The following MCM9 variants were observed in gnomAD, a reference collection of about 807,000 sequenced individuals.
The protein encoded by MCM9 is minichromosome maintenance 9 homologous recombination repair factor, also known as DNA helicase MCM9.
MCM9 carries 55 observed loss-of-function variants against 72.8 expected under a neutral mutation model. The observed-to-expected ratio is 0.76, with a 90% confidence interval of 0.61 to 0.95. The LOEUF is 0.95. MCM9 is among the 40% of genes least tolerant of loss of function. The probability of loss-of-function intolerance (pLI) is 0.00; values close to 1 mark genes in which losing one functional copy is unlikely to be tolerated. For missense variants in MCM9, 1,279 were observed against 1,377.0 expected, an observed-to-expected ratio of 0.93 and a Z score of 1.13; for synonymous variants, 480 against 503.4, an observed-to-expected ratio of 0.95 and a Z score of 0.62.
At chr6:118,841,939 A>G (rs1775401094) in intron 9 of MCM9, among the ~76,000 whole-genome samples, 1 of 150,688 alleles carries the variant, frequency 6.6e-6, no homozygotes, top group South Asian at 2.1e-4. Flanking sequence ...GGTTCAAGCG[A>G]TTCTCCTGCC....
In MCM9 at chr6:118,816,112, T is replaced by C. The variant is rs185696063; in HGVS notation, c.2144A>G (p.Asp715Gly). ...ATTAGGCTCCAGATGCGGTGGGGGA[T>C]CTAGAACTGGGCTTCCCTCGGGGCT... ...GGSPEGSPVLDPPPHLEPNRS... is the reference protein window; with the variant it reads ...GGSPEGSPVLGPPPHLEPNRS... The change falls in exon 14 of 14, where the codon GAT becomes GGT. Residue 715 changes from aspartate (D) to glycine (G), a missense_variant. Asp to Gly is a moderately conservative substitution (Grantham distance 94). Coordinates refer to ENST00000619706, the MANE Select transcript of MCM9 (RefSeq NM_017696.3). 2 of 1,550,422 alleles carry C rather than the reference T, an allele frequency of 1.3e-6. No individual in the cohort carries two copies. Among genetic ancestry groups the C allele is most frequent in the Admixed American group, 2.0e-5 (1 of 50,988 alleles).
chr6:118,918,970 G>C (rs1263339152), intron 5 of MCM9: 1 of 152,170 alleles, frequency 6.6e-6, no homozygotes, highest in Non-Finnish European at 1.5e-5. Flanking sequence ...CATTAAGTAA[G>C]TGCTTTACAA....
Position 118,931,738 on chromosome 6 carries a change from ACT to A in MCM9, c.-15-2_-15-1del, listed in dbSNP as rs1333216451. ...TCGCTATTCATCTTGAATCTAGGTA[ACT>A]AAAGAAAAAAAAAAGGATCATATTA... On this transcript the variant is annotated splice_acceptor_variant, in intron 2 of 13. Coordinates refer to ENST00000619706, the MANE Select transcript of MCM9 (RefSeq NM_017696.3). LOFTEE classifies it low-confidence loss of function (5UTR_SPLICE). 3.2e-6 allele frequency: 5 copies of A among 1,572,864 alleles called. No homozygotes were observed. Among genetic ancestry groups the A allele is most frequent in the Admixed American group, 3.8e-5 (2 of 53,166 alleles).
chr6:118,890,954 T>A (rs893185009), intron 8 of MCM9, among the ~76,000 whole-genome samples: 2 of 152,202 alleles, frequency 1.3e-5, no homozygotes, highest in South Asian at 2.1e-4. Context: ...TCCATTCCTA[T>A]GATAACTTTT....
chr6:118,856,652 G>GA (rs1321565364), intron 8 of MCM9, 107 bp from the exon 9 acceptor site: 31 of 1,219,222 alleles, frequency 2.5e-5, no homozygotes, highest in Non-Finnish European at 3.3e-5. Flanking sequence ...GCTGAGGTGA[G>GA]AAGATTTCTT....
Position 118,903,925 on chromosome 6 carries a change from G to A in MCM9, c.1150+7725C>T, listed in dbSNP as rs1322517068. 2.0e-5 allele frequency among the ~76,000 whole-genome samples: 3 copies of A among 152,156 alleles called. No homozygotes were observed. The East Asian group carries it at 5.8e-4, about 29-fold the overall frequency. The stretch of plus-strand genomic sequence containing the variant: ...TCACCACGTTTTAAAGAACCTGTGT[G>A]ATTCATATCTCTAGAACAATGGTGG... On this transcript the variant is annotated intron_variant, in intron 8 of 13. Transcript: ENST00000619706.
chr6:118,914,712 A>C (rs1333010133), intron 6 of MCM9, among the ~76,000 whole-genome samples: 1 of 152,174 alleles, frequency 6.6e-6, no homozygotes, highest in Non-Finnish European at 1.5e-5. Context: ...AGCCCCAACA[A>C]ACAGGTTCAA....
intron 8 of MCM9, among the ~76,000 whole-genome samples, chr6:118,877,889 G>A (rs183817346): frequency 7.2e-5 from 11 of 152,324 alleles, no homozygotes; most frequent in Non-Finnish European, 1.3e-4. Flanking sequence ...TAGGCCTGGT[G>A]TGGTGGCTCT....
intron 3 of MCM9, among the ~76,000 whole-genome samples, chr6:118,925,387 T>C (rs1393609222): frequency 6.6e-6 from 1 of 152,218 alleles, no homozygotes; most frequent in Non-Finnish European, 1.5e-5. Flanking sequence ...TAAGTTTCTA[T>C]GGTCAGCATA....
intron 13 of MCM9, among the ~76,000 whole-genome samples, chr6:118,817,016 C>G (rs1773451259): frequency 6.6e-6 from 1 of 152,066 alleles, no homozygotes; most frequent in South Asian, 2.1e-4. Flanking sequence ...AATCTATTTA[C>G]TTTCTACGAA....
chr6:118,911,729 C>T lies in MCM9; in HGVS notation c.1071G>A (p.Gly357=). 2 of 1,613,614 alleles carry T rather than the reference C, an allele frequency of 1.2e-6. No individual in the cohort carries two copies. The highest frequency in any genetic ancestry group is 1.7e-6 in the Non-Finnish European group (2 of 1,179,804). The change falls in exon 8 of 14, where the codon GGG becomes GGA. Residue 357 remains glycine (G), a synonymous_variant. Coordinates refer to ENST00000619706, the MANE Select transcript of MCM9 (RefSeq NM_017696.3). ...CTGCATATTTGAGGAACTGAGATTT[C>T]CCTGTGCCAGGATCCCCAACCAATA... ...HLLLVGDPGT[G]KSQFLKYAAK...
chr6:118,837,955 C>T lies in MCM9; in HGVS notation c.1326-8705G>A, dbSNP rs943356985. Among the ~76,000 whole-genome samples, 8 of 152,200 alleles carry T rather than the reference C, an allele frequency of 5.3e-5. No homozygotes were observed. The East Asian group carries it at 7.7e-4, about 15-fold the overall frequency. On this transcript the variant is annotated intron_variant, in intron 9 of 13. Coordinates refer to ENST00000619706, the MANE Select transcript of MCM9 (RefSeq NM_017696.3). Reference sequence around the variant, plus strand: ...AGTTGATGCAGTTTCTTCATAGCATCGATGGTCTTTACAATTTCAAATGTT... The same window carrying T: ...AGTTGATGCAGTTTCTTCATAGCATTGATGGTCTTTACAATTTCAAATGTT...
intron 8 of MCM9, among the ~76,000 whole-genome samples, chr6:118,857,210 G>T (rs1043617539): frequency 6.6e-6 from 1 of 152,204 alleles, no homozygotes; most frequent in African/African-American, 2.4e-5. Flanking sequence ...GCTGTTTACA[G>T]AAAAGGGTCC....
chr6:118,887,203 G>A (rs1458946640), intron 8 of MCM9, among the ~76,000 whole-genome samples: 1 of 151,980 alleles, frequency 6.6e-6, no homozygotes, highest in Non-Finnish European at 1.5e-5. Context: ...AAAAGAACAA[G>A]GTTGGAGGAC....
intron 8 of MCM9, among the ~76,000 whole-genome samples, chr6:118,865,873 T>C (rs1057028379): frequency 2.6e-5 from 4 of 152,138 alleles, no homozygotes; most frequent in African/African-American, 9.7e-5. Context: ...GGACATACAA[T>C]GGGCCCACAT....
chr6:118,866,340 G>C (rs745846597), intron 8 of MCM9, among the ~76,000 whole-genome samples: 1 of 152,118 alleles, frequency 6.6e-6, no homozygotes, highest in Admixed American at 6.6e-5. Flanking sequence ...ACATTCCAAA[G>C]AAAAGAATAT....
chr6:118,872,518 A>G (rs929484889), intron 8 of MCM9, among the ~76,000 whole-genome samples: 4 of 151,930 alleles, frequency 2.6e-5, no homozygotes, highest in Admixed American at 6.6e-5. Flanking sequence ...AGGCTGAGTC[A>G]GCAGGATCAC....
chr6:118,879,163 A>G (rs1391411944), intron 8 of MCM9, among the ~76,000 whole-genome samples: 1 of 152,144 alleles, frequency 6.6e-6, no homozygotes, highest in African/African-American at 2.4e-5. Flanking sequence ...CATAGTATAC[A>G]TGAATCCTGC....
chr6:118,909,437 A>G (rs1780382461), intron 8 of MCM9, among the ~76,000 whole-genome samples: 1 of 152,170 alleles, frequency 6.6e-6, no homozygotes, highest in Admixed American at 6.5e-5. Flanking sequence ...ATGACTGAAA[A>G]TAGATTTAGA....
Sources: allele counts gnomAD v4.1 joint callset (sites outside exome capture counted in the v4.1 genomes callset), GRCh38; gene constraint gnomAD v4.1.1; transcripts MANE v1.5; gene names NCBI Gene and HGNC (gene_info 2026-07-23, HGNC 2026-07-21).